The following PDZD8 variants were observed in gnomAD, a reference collection of about 807,000 sequenced individuals.
The protein encoded by PDZD8 is PDZ domain containing 8.
In PDZD8, 14 loss-of-function variants were observed where a neutral mutation model predicts 85.8. That is an observed-to-expected ratio of 0.16 (90% CI 0.11 to 0.26). The LOEUF (loss-of-function observed/expected upper bound fraction) is 0.26. Among genes scored for constraint, PDZD8 ranks in the 10% least tolerant of loss-of-function variants. The pLI is 1.00. For synonymous variants in PDZD8, 592 were observed against 568.6 expected (o/e 1.04, Z -0.59); for missense variants, 1,197 against 1,424.3 (o/e 0.84, Z 2.57).
chr10:117,365,831 C>T (rs1845079199), intron 1 of PDZD8, among the ~76,000 whole-genome samples: 1 of 152,154 alleles, frequency 6.6e-6, no homozygotes, highest in Non-Finnish European at 1.5e-5. Flanking sequence ...CGTCCTATGA[C>T]TCTGAGGTAA....
At chr10:117,307,754 T>G (rs1042423993) in intron 3 of PDZD8, among the ~76,000 whole-genome samples, 1 of 152,090 alleles carries the variant, frequency 6.6e-6, no homozygotes, top group Admixed American at 6.6e-5. Flanking sequence ...AATATTTAAG[T>G]TGAGAAATAC....
intron 1 of PDZD8, among the ~76,000 whole-genome samples, chr10:117,364,399 T>G (rs561270672): frequency 3.3e-5 from 5 of 152,218 alleles, no homozygotes; most frequent in African/African-American, 1.2e-4. Flanking sequence ...CAGATACATG[T>G]TTCAGTTCAC....
chr10:117,290,892 CAG>C (rs1460721074), intron 3 of PDZD8, among the ~76,000 whole-genome samples: 1 of 123,324 alleles, frequency 8.1e-6, no homozygotes, highest in African/African-American at 3.3e-5. Context: ...TTTTTTGAGA[CAG>C]GGTCTCACTC....
At chr10:117,357,765 CCAAAAAAAAAAAAAAAAA>C (rs1844921590) in intron 1 of PDZD8, among the ~76,000 whole-genome samples, 51 of 28,244 alleles carry the variant, frequency 1.8e-3, no homozygotes, top group Middle Eastern at 0.031. Flanking sequence ...GACTTCATCT[CCAAAAAAAAAAAAAAAAA>C]AAAAAAAAAA....
In PDZD8 at chr10:117,374,279, C is replaced by A; in HGVS notation, c.872+77G>T. Reference sequence around the variant, plus strand: ...GCGCCAGGACAGAAATGAGCCTTTGCCCTTCCCAATCCACGCAGCGTCCCG... The same window carrying A: ...GCGCCAGGACAGAAATGAGCCTTTGACCTTCCCAATCCACGCAGCGTCCCG... On this transcript the variant is annotated intron_variant, in intron 1 of 4. Transcript: ENST00000334464. The surrounding 1 kb of genome is among the most constrained non-coding windows in gnomAD (Gnocchi z 7.8). 1 of 1,567,904 alleles carries A rather than the reference C, an allele frequency of 6.4e-7. No homozygotes were observed. The highest frequency in any genetic ancestry group is 8.6e-7 in the Non-Finnish European group (1 of 1,156,644).
At chr10:117,327,930 G>A (rs1844345358) in intron 2 of PDZD8, among the ~76,000 whole-genome samples, 1 of 151,978 alleles carries the variant, frequency 6.6e-6, no homozygotes, top group South Asian at 2.1e-4. Flanking sequence ...GCTTTTAGTG[G>A]ATATTCAAAT....
At chr10:117,312,016 C>T (rs1844046803) in intron 3 of PDZD8, among the ~76,000 whole-genome samples, 1 of 151,994 alleles carries the variant, frequency 6.6e-6, no homozygotes, top group African/African-American at 2.4e-5. Context: ...CCAGTTCACT[C>T]CTATTTCCCA....
chr10:117,283,421 T>G lies in PDZD8; in HGVS notation c.3312A>C (p.Leu1104Phe). 6.2e-7 allele frequency: 1 copy of G among 1,614,124 alleles called. No homozygotes were observed. Among genetic ancestry groups the G allele is most frequent in the African/African-American group, 1.3e-5 (1 of 75,056 alleles). Residue 1104 changes from leucine to phenylalanine, a missense_variant, in exon 5 of 5, where the codon TTA becomes TTC. This residue lies in a region of PDZD8 where 418 missense variants were observed against 571.1 expected (regional missense o/e 0.73). Transcript: ENST00000334464. ...AGTGCTGGTCTAAAGACAGACTTTC[T>G]AAAGTTTCTATATCTTCAATGCCTG... ...YRAGIEDIETLESLSLDQHSK... is the reference protein window; with the variant it reads ...YRAGIEDIETFESLSLDQHSK...
chr10:117,375,057 C>T lies in PDZD8; in HGVS notation c.171G>A (p.Arg57=), dbSNP rs767288257. 6.2e-7 allele frequency: 1 copy of T among 1,600,824 alleles called. No homozygotes were observed. Among genetic ancestry groups the T allele is most frequent in the South Asian group, 1.1e-5 (1 of 90,148 alleles). The change falls in exon 1 of 5, where the codon AGG becomes AGA. Residue 57 remains arginine (R), a synonymous_variant. Coordinates refer to ENST00000334464, the MANE Select transcript of PDZD8 (RefSeq NM_173791.5). ...YIKPVPGLLL[R]EYLYGGGRDE... is the part of the protein sequence containing the mutation. ...CCCGGCCGCCGCCATAAAGGTACTC[C>T]CTTAGGAGCAGGCCCGGCACTGGCT...
intron 3 of PDZD8, among the ~76,000 whole-genome samples, chr10:117,296,852 G>C (rs1453592114): frequency 2.6e-5 from 4 of 151,956 alleles, no homozygotes; most frequent in Non-Finnish European, 4.4e-5. Flanking sequence ...AAATACAGGA[G>C]AACATCTTTA....
At chr10:117,360,498 T>G (rs907785871) in intron 1 of PDZD8, among the ~76,000 whole-genome samples, 1 of 152,108 alleles carries the variant, frequency 6.6e-6, no homozygotes, top group Non-Finnish European at 1.5e-5. Context: ...ATGACTACTT[T>G]GAATGTTTCT....
At chr10:117,361,096 G>A (rs1844989443) in intron 1 of PDZD8, among the ~76,000 whole-genome samples, 1 of 152,158 alleles carries the variant, frequency 6.6e-6, no homozygotes, top group Non-Finnish European at 1.5e-5. Context: ...ATATTTGCGA[G>A]AGAACAAGGG....
chr10:117,347,993 T>A (rs1331597006), intron 1 of PDZD8, among the ~76,000 whole-genome samples: 1 of 152,184 alleles, frequency 6.6e-6, no homozygotes, highest in Non-Finnish European at 1.5e-5. Context: ...GTTTTCTTTT[T>A]GAGATGATAA....
At chr10:117,339,128 CAAAAAAAAAA>C (rs71013660) in intron 2 of PDZD8, among the ~76,000 whole-genome samples, 100,039 of 130,714 alleles carry the variant, frequency 0.77, 37,559 homozygotes, top group Non-Finnish European at 0.84. Context: ...TGGACTTAAC[CAAAAAAAAAA>C]AAAAAAAAAA....
At chr10:117,325,773 C>A (rs1263400244) in intron 2 of PDZD8, among the ~76,000 whole-genome samples, 1 of 152,056 alleles carries the variant, frequency 6.6e-6, no homozygotes. Context: ...TTATTATCTT[C>A]CTATAGACTG....
intron 2 of PDZD8, among the ~76,000 whole-genome samples, chr10:117,326,492 T>C (rs1844318187): frequency 6.6e-6 from 1 of 152,220 alleles, no homozygotes; most frequent in African/African-American, 2.4e-5. Context: ...TTGCTTAAGC[T>C]TTCCTCTTTT....
At chr10:117,341,381 A>C (rs1844609611) in intron 1 of PDZD8, among the ~76,000 whole-genome samples, 1 of 152,206 alleles carries the variant, frequency 6.6e-6, no homozygotes, top group Admixed American at 6.5e-5. Context: ...CATGAAGTTT[A>C]GGTGGGGCAG....
At chr10:117,319,367 C>T (rs1318374983) in intron 2 of PDZD8, among the ~76,000 whole-genome samples, 1 of 150,240 alleles carries the variant, frequency 6.7e-6, no homozygotes, top group African/African-American at 2.5e-5. Flanking sequence ...CATACACACA[C>T]TAAAGTGCAA....
intron 3 of PDZD8, among the ~76,000 whole-genome samples, chr10:117,301,769 G>A (rs1030123748): frequency 2.0e-5 from 3 of 152,044 alleles, no homozygotes; most frequent in African/African-American, 4.8e-5. Context: ...CATAATTGAC[G>A]ATCCCAACTA....
Sources: allele counts gnomAD v4.1 joint callset (sites outside exome capture counted in the v4.1 genomes callset), GRCh38; gene constraint gnomAD v4.1.1; regional missense constraint gnomAD v4.1.1; non-coding constraint Gnocchi (gnomAD v3.1); transcripts MANE v1.5; gene names NCBI Gene and HGNC (gene_info 2026-07-23, HGNC 2026-07-21).